Variants in FIP1L1 observed in about 807,000 individuals in gnomAD.
The protein encoded by FIP1L1 is pre-mRNA 3'-end-processing factor FIP1.
FIP1L1 carries 21 observed loss-of-function variants against 84.6 expected under a neutral mutation model. The observed-to-expected ratio is 0.25, with a 90% confidence interval of 0.18 to 0.36. The LOEUF is 0.36. Among genes scored for constraint, FIP1L1 ranks in the 10% least tolerant of loss-of-function variants. The pLI, the probability that FIP1L1 is intolerant of heterozygous loss-of-function variation, is 1.00. For missense variants in FIP1L1, 526 were observed against 751.1 expected (o/e 0.70, Z 3.50); for synonymous variants, 263 against 242.3 (o/e 1.09, Z -0.80).
At chr4:53,398,076 T>G (rs1159917681) in intron 9 of FIP1L1, among the ~76,000 whole-genome samples, 1 of 152,196 alleles carries the variant, frequency 6.6e-6, no homozygotes, top group Non-Finnish European at 1.5e-5. Flanking sequence ...TTTCATAATA[T>G]TTATTATATT....
intron 9 of FIP1L1, among the ~76,000 whole-genome samples, chr4:53,399,449 C>T (rs758500577): frequency 3.9e-5 from 6 of 152,138 alleles, no homozygotes; most frequent in Non-Finnish European, 7.3e-5. Flanking sequence ...TAGTGATCTG[C>T]AGGAATTTAT....
chr4:53,396,598 G>C lies in FIP1L1; in HGVS notation c.706-3132G>C, dbSNP rs1382934973. Among the ~76,000 whole-genome samples the C allele has an allele frequency of 5.9e-5, 9 of 151,964 alleles. No homozygotes were observed. In the East Asian group the frequency reaches 1.6e-3, roughly 26 times the overall value. ...TTTTTTTAGTTTTAGTAGAGATGGGGTTTCACCATGTTGTCCAGGCTGGTC... is the reference window on the plus strand; with the variant it reads ...TTTTTTTAGTTTTAGTAGAGATGGGCTTTCACCATGTTGTCCAGGCTGGTC... On this transcript the variant is annotated intron_variant, in intron 9 of 17. Coordinates refer to ENST00000337488, the MANE Select transcript of FIP1L1 (RefSeq NM_030917.4).
rs1579328879 is a variant in FIP1L1 at position 53,460,791 on chromosome 4, T to C, written c.*1342T>C. ...TTTCATTAGATGATCATACTTTTCC[T>C]GACATTTTTACAATGTATTCTTTCT... On this transcript the variant is annotated 3_prime_UTR_variant, in exon 18 of 18. Transcript: ENST00000337488. 1 of 1,080,284 alleles carries C rather than the reference T, an allele frequency of 9.3e-7. No individual in the cohort carries two copies. The allele number at this position is 1,080,284 out of a possible 1,614,324, so 66.9% of individuals were successfully genotyped here.
chr4:53,378,087 C>T (rs1463817039), intron 1 of FIP1L1, 164 bp downstream of exon 1: 2 of 563,342 alleles, frequency 3.6e-6, no homozygotes, highest in Admixed American at 4.0e-5. Context: ...GCCCCCAGTC[C>T]CCGCGGCGGT....
At chr4:53,458,825 T>C (rs748019524) in intron 17 of FIP1L1, 35 bp downstream of exon 17, 19 of 1,592,028 alleles carry the variant, frequency 1.2e-5, no homozygotes, top group Middle Eastern at 1.7e-4. Context: ...ACCAATAGTA[T>C]GTGAGAGATT....
chr4:53,387,118 G>A (rs1741511953), intron 5 of FIP1L1, among the ~76,000 whole-genome samples: 1 of 152,192 alleles, frequency 6.6e-6, no homozygotes, highest in African/African-American at 2.4e-5. Context: ...TCTAGACTAA[G>A]GCAGCAGTAG....
chr4:53,380,377 G>A (rs971610570), intron 3 of FIP1L1, among the ~76,000 whole-genome samples: 19 of 152,210 alleles, frequency 1.2e-4, no homozygotes, highest in Non-Finnish European at 2.1e-4. Context: ...ATGTCAGTCC[G>A]TAGAGACAGA....
intron 16 of FIP1L1, 100 bp downstream of exon 16, chr4:53,453,233 A>T: frequency 7.3e-7 from 1 of 1,369,568 alleles, no homozygotes; most frequent in Non-Finnish European, 1.0e-6. Flanking sequence ...TGGAAAAGAG[A>T]TGCTCAGGGA....
chr4:53,385,504 TTCA>T (rs1740486831), intron 5 of FIP1L1, among the ~76,000 whole-genome samples: 1 of 152,128 alleles, frequency 6.6e-6, no homozygotes, highest in African/African-American at 2.4e-5. Context: ...TTCAAAACTC[TTCA>T]AAAAAACAAG....
chr4:53,399,958 T>G, intron 10 of FIP1L1, 119 bp downstream of exon 10: 1 of 669,200 alleles, frequency 1.5e-6, no homozygotes, highest in Non-Finnish European at 2.5e-6. Flanking sequence ...CATTTTACTT[T>G]GGTTTAGTAC....
rs561824119 is a variant in FIP1L1, at chr4:53,396,970, A to G, written c.706-2760A>G. Among the ~76,000 whole-genome samples, 79 of 152,344 alleles carry G rather than the reference A, an allele frequency of 5.2e-4. 1 individual carries two copies. Among genetic ancestry groups the G allele is most frequent in the Admixed American group, 2.5e-3 (39 of 15,304 alleles). ...ACAGACTTAATACTTTTGGAGAATT[A>G]TGGAGTATGAAAGGAAAATTTTGAA... On this transcript the variant is annotated intron_variant, in intron 9 of 17. Transcript: ENST00000337488.
chr4:53,444,913 T>A (rs1773546999), intron 15 of FIP1L1, among the ~76,000 whole-genome samples: 1 of 152,246 alleles, frequency 6.6e-6, no homozygotes, highest in African/African-American at 2.4e-5. Flanking sequence ...ATAGAGTGCT[T>A]GCCCTCATAA....
At position 53,440,397 on chromosome 4, in the gene FIP1L1, A is replaced by G. The variant is rs183705240; in HGVS notation, c.1175-2256A>G. Among the ~76,000 whole-genome samples the G allele has an allele frequency of 9.2e-5, 14 of 152,112 alleles. No individual in the cohort carries two copies. The East Asian group carries it at 2.5e-3, about 27-fold the overall frequency. The stretch of plus-strand genomic sequence containing the variant: ...AAGTTGTTAGACTGGGTTTTCATCA[A>G]GGAAGTTGGATGTTATACTCGAATT... On this transcript the variant is annotated intron_variant, in intron 13 of 17. Transcript: ENST00000337488.
Position 53,442,478 on chromosome 4 carries a change from T to C in FIP1L1, c.1175-175T>C, listed in dbSNP as rs1182971490. The C allele has an allele frequency of 9.6e-5, 54 of 563,324 alleles. No homozygotes were observed. The East Asian group carries it at 1.6e-3, about 16-fold the overall frequency. 34.9% of individuals were successfully genotyped at this position (563,324 alleles called of 1,614,324 possible). On this transcript the variant is annotated intron_variant, in intron 13 of 17. Transcript: ENST00000337488. ...ACCAGACTGCTTACTTAAAGTTTTA[T>C]TGCGCTAAAAATCTGTTCATAAGTT...
At chr4:53,435,877 A>C (rs1462684282) in intron 13 of FIP1L1, among the ~76,000 whole-genome samples, 15 of 152,190 alleles carry the variant, frequency 9.9e-5, no homozygotes, top group Admixed American at 9.8e-4. Context: ...ATCCTGATAC[A>C]TAGAAACGCA....
At chr4:53,390,674 A>T (rs763075105) in intron 7 of FIP1L1, 46 bp downstream of exon 7, 2 of 1,336,912 alleles carry the variant, frequency 1.5e-6, no homozygotes, top group Non-Finnish European at 2.1e-6. Flanking sequence ...TTCAGTGTGA[A>T]GTCATCAGAA....
intron 15 of FIP1L1, among the ~76,000 whole-genome samples, chr4:53,447,188 T>C (rs2150314709): frequency 6.6e-6 from 1 of 152,130 alleles, no homozygotes; most frequent in East Asian, 1.9e-4. Flanking sequence ...ACCTTATTTC[T>C]TGAGTATATA....
At chr4:53,457,505 A>T (rs1176024418) in intron 16 of FIP1L1, among the ~76,000 whole-genome samples, 1 of 152,172 alleles carries the variant, frequency 6.6e-6, no homozygotes, top group South Asian at 2.1e-4. Flanking sequence ...TCAGCAGTAC[A>T]ATTGGGCATT....
chr4:53,406,362 C>G (rs1753459216), intron 10 of FIP1L1, among the ~76,000 whole-genome samples: 1 of 152,300 alleles, frequency 6.6e-6, no homozygotes, highest in African/African-American at 2.4e-5. Context: ...ATGAAGCCCA[C>G]TTGATCATGG....
Sources: gnomAD v4.1 joint callset for allele counts (sites outside exome capture counted in the v4.1 genomes callset) on GRCh38, gnomAD v4.1.1 for gene constraint, MANE v1.5 for transcripts, NCBI Gene and HGNC (gene_info 2026-07-23, HGNC 2026-07-21) for gene names.